PCCA: variants seen among roughly 807,000 people sequenced by gnomAD.
PCCA encodes propionyl-CoA carboxylase alpha chain, mitochondrial.
Under a neutral mutation model 101.3 loss-of-function variants are expected in PCCA, and 74 were observed. The ratio of observed to expected loss-of-function variants is 0.73; its 90% CI spans 0.61 to 0.89. The LOEUF is 0.89. Among genes scored for constraint, PCCA ranks in the 40% least tolerant of loss-of-function variants. The pLI is 0.00. For synonymous variants in PCCA, 294 were observed against 313.6 expected (o/e 0.94, Z 0.66); for missense variants, 891 against 907.0 (o/e 0.98, Z 0.23).
rs2064644718 is a variant in PCCA at position 100,286,317 on chromosome 13, G to A, written c.1065+12971G>A. Among the ~76,000 whole-genome samples, 5 of 152,216 alleles carry A rather than the reference G, an allele frequency of 3.3e-5. No homozygotes were observed. In the South Asian group the frequency reaches 1.0e-3, roughly 31 times the overall value. ...ACACTCGGACAAGGGAGGGGAAGGG[G>A]TTCTTATCCCTCACGCACGTGGCCC... On this transcript the variant is annotated intron_variant, in intron 12 of 23. Transcript: ENST00000376285.
chr13:100,452,771 C>T (rs1341312633), intron 21 of PCCA, among the ~76,000 whole-genome samples: 3 of 152,180 alleles, frequency 2.0e-5, no homozygotes, highest in East Asian at 1.9e-4. Flanking sequence ...GGTGATTTGT[C>T]TGTTCTGCTC....
chr13:100,111,319 C>T (rs777428460), intron 2 of PCCA, among the ~76,000 whole-genome samples: 3 of 150,304 alleles, frequency 2.0e-5, no homozygotes, highest in Admixed American at 6.6e-5. Flanking sequence ...CGTGAGCCAC[C>T]GTGCCCAGCC....
chr13:100,451,790 C>T (rs1315346431), intron 21 of PCCA, among the ~76,000 whole-genome samples: 2 of 98,996 alleles, frequency 2.0e-5, no homozygotes, highest in Non-Finnish European at 3.9e-5. Context: ...CTGTCCTCTT[C>T]CTCTCCTCTC....
At position 100,493,075 on chromosome 13, in the gene PCCA, G is replaced by A. The variant is rs138912027; in HGVS notation, c.1900-22352G>A. Reference sequence around the variant, plus strand: ...GAGCTGTTTTAACACGTAGCCATCCGCAGATGGCAGCTTCTAAAAGAGCAT... The same window carrying A: ...GAGCTGTTTTAACACGTAGCCATCCACAGATGGCAGCTTCTAAAAGAGCAT... On this transcript the variant is annotated intron_variant, in intron 21 of 23. Coordinates refer to ENST00000376285, the MANE Select transcript of PCCA (RefSeq NM_000282.4). Among the ~76,000 whole-genome samples the A allele has an allele frequency of 8.6e-3, 1,314 of 152,260 alleles. 22 individuals are homozygous for A. The highest frequency in any genetic ancestry group is 0.031 in the African/African-American group (1,271 of 41,550).
intron 20 of PCCA, among the ~76,000 whole-genome samples, chr13:100,434,292 C>T (rs1481608764): frequency 6.6e-6 from 1 of 152,132 alleles, no homozygotes; most frequent in Non-Finnish European, 1.5e-5. Context: ...GGGTGAGAGA[C>T]AGGAAGGCAG....
intron 1 of PCCA, among the ~76,000 whole-genome samples, chr13:100,095,405 T>A (rs190863785): frequency 5.3e-5 from 8 of 152,358 alleles, no homozygotes; most frequent in Non-Finnish European, 1.2e-4. Context: ...TGTGACTGTT[T>A]CTGCTCCCAT....
chr13:100,314,264 G>A (rs2067156591), intron 16 of PCCA, among the ~76,000 whole-genome samples: 1 of 152,140 alleles, frequency 6.6e-6, no homozygotes, highest in South Asian at 2.1e-4. Context: ...GAGATGCACA[G>A]GGCAAGGTGT....
At chr13:100,376,769 A>G (rs2075931922) in intron 19 of PCCA, among the ~76,000 whole-genome samples, 1 of 152,000 alleles carries the variant, frequency 6.6e-6, no homozygotes, top group Non-Finnish European at 1.5e-5. Flanking sequence ...GCTGAGCAAG[A>G]CCACTTGGCT....
rs143284395 is a variant in PCCA, at chr13:100,285,679, G to C, written c.1065+12333G>C. On this transcript the variant is annotated intron_variant, in intron 12 of 23. Coordinates refer to ENST00000376285, the MANE Select transcript of PCCA (RefSeq NM_000282.4). ...AAGGACCCATGTTTCAAATACGCAC[G>C]TGTGTGGCCCTCAACCCTGCCACTT... 3.4e-3 allele frequency among the ~76,000 whole-genome samples: 516 copies of C among 152,216 alleles called. 4 individuals are homozygous for C. The highest frequency in any genetic ancestry group is 0.012 in the African/African-American group (496 of 41,522).
intron 14 of PCCA, among the ~76,000 whole-genome samples, chr13:100,306,477 G>T (rs959934859): frequency 6.6e-6 from 1 of 152,194 alleles, no homozygotes; most frequent in African/African-American, 2.4e-5. Context: ...TAACCTCCGT[G>T]CCTTGCTGCT....
At chr13:100,280,918 C>A (rs562954518) in intron 12 of PCCA, among the ~76,000 whole-genome samples, 16 of 152,176 alleles carry the variant, frequency 1.1e-4, no homozygotes, top group Admixed American at 3.9e-4. Flanking sequence ...AGCTACCTCA[C>A]TGCAATGAGA....
intron 7 of PCCA, among the ~76,000 whole-genome samples, chr13:100,215,743 A>G (rs2059471758): frequency 2.6e-5 from 4 of 151,944 alleles, no homozygotes; most frequent in Admixed American, 2.6e-4. Flanking sequence ...GGGTTCAAGC[A>G]ATTCTCCCAC....
intron 16 of PCCA, among the ~76,000 whole-genome samples, chr13:100,313,099 CTT>C (rs2067054952): frequency 1.3e-5 from 2 of 152,080 alleles, no homozygotes; most frequent in African/African-American, 4.8e-5. Context: ...CTATTTCTCC[CTT>C]TCTTTGCCTT....
intron 4 of PCCA, among the ~76,000 whole-genome samples, chr13:100,143,254 G>A (rs191255801): frequency 7.2e-4 from 110 of 152,246 alleles, no homozygotes; most frequent in African/African-American, 2.5e-3. Context: ...CTTTGGCCAG[G>A]TGCGGTGGCT....
intron 6 of PCCA, among the ~76,000 whole-genome samples, chr13:100,178,582 A>C (rs2056452758): frequency 6.6e-6 from 1 of 152,156 alleles, no homozygotes. Context: ...AGAATCTCTT[A>C]AGATGCACCA....
intron 6 of PCCA, among the ~76,000 whole-genome samples, chr13:100,194,882 C>T (rs1367151185): frequency 1.3e-5 from 2 of 152,134 alleles, no homozygotes; most frequent in East Asian, 1.9e-4. Context: ...CAGCAAGAGA[C>T]CCTCATGCTA....
Position 100,340,236 on chromosome 13 carries a change from A to G in PCCA, c.1620A>G (p.Ala540=), listed in dbSNP as rs1566960733. The change falls in exon 18 of 24, where the codon GCA becomes GCG. Residue 540 remains alanine, a synonymous_variant. Transcript: ENST00000376285. ...TGTTTGTGGCATTCCAGTTAAGAGCACAACATTTTCAAGAAAATTCAAGGT... is the reference window on the plus strand; with the variant it reads ...TGTTTGTGGCATTCCAGTTAAGAGCGCAACATTTTCAAGAAAATTCAAGGT... ...SSLFVAFQLR[A]QHFQENSRMP... 6.3e-7 allele frequency: 1 copy of G among 1,599,762 alleles called. No individual in the cohort carries two copies. Among genetic ancestry groups the G allele is most frequent in the Non-Finnish European group, 8.6e-7 (1 of 1,166,962 alleles).
intron 6 of PCCA, among the ~76,000 whole-genome samples, chr13:100,207,102 A>T (rs2058904502): frequency 6.6e-6 from 1 of 152,132 alleles, no homozygotes; most frequent in Non-Finnish European, 1.5e-5. Context: ...TTTTTGGTAA[A>T]CTATCTTTTG....
intron 1 of PCCA, among the ~76,000 whole-genome samples, chr13:100,091,064 G>T (rs2043347): frequency 2.6e-5 from 4 of 152,160 alleles, no homozygotes; most frequent in Admixed American, 6.5e-5. Context: ...CAGGTTAGAA[G>T]AACTGAAAAA....
Sources: gnomAD v4.1 joint callset for allele counts (sites outside exome capture counted in the v4.1 genomes callset) on GRCh38, gnomAD v4.1.1 for gene constraint, MANE v1.5 for transcripts, NCBI Gene and HGNC (gene_info 2026-07-23, HGNC 2026-07-21) for gene names.